CAMK2D: variants seen among roughly 807,000 people sequenced by gnomAD.
The protein encoded by CAMK2D is calcium/calmodulin dependent protein kinase II delta.
A neutral mutation model predicts 84.0 loss-of-function variants in CAMK2D; 37 were observed. That is an observed-to-expected ratio of 0.44 (90% CI 0.34 to 0.58). CAMK2D has a LOEUF of 0.58. CAMK2D is among the 20% of genes least tolerant of loss of function. The pLI is 0.02. For synonymous variants in CAMK2D, 202 were observed against 212.5 expected, an observed-to-expected ratio of 0.95 and a Z score of 0.43; for missense variants, 448 against 652.5, an observed-to-expected ratio of 0.69 and a Z score of 3.41.
intron 3 of CAMK2D, among the ~76,000 whole-genome samples, chr4:113,618,527 G>T (rs2099031183): frequency 6.6e-6 from 1 of 152,024 alleles, no homozygotes; most frequent in Non-Finnish European, 1.5e-5. Context: ...TTCCAAAGTT[G>T]ATATGTCCTA....
At chr4:113,562,277 T>A (rs1455435586) in intron 4 of CAMK2D, among the ~76,000 whole-genome samples, 3 of 152,148 alleles carry the variant, frequency 2.0e-5, no homozygotes, top group African/African-American at 7.2e-5. Context: ...AGAGCTCCAT[T>A]AAGAAACAGC....
At chr4:113,664,397 G>T (rs1220604729) in intron 2 of CAMK2D, among the ~76,000 whole-genome samples, 1 of 152,188 alleles carries the variant, frequency 6.6e-6, no homozygotes, top group Non-Finnish European at 1.5e-5. Flanking sequence ...TCTCTCACCA[G>T]GCTGCAATCA....
intron 4 of CAMK2D, among the ~76,000 whole-genome samples, chr4:113,567,981 A>G (rs2098733750): frequency 6.6e-6 from 1 of 152,220 alleles, no homozygotes; most frequent in Non-Finnish European, 1.5e-5. Context: ...GAAGTAATTA[A>G]CAATAGCTTG....
chr4:113,704,726 CAA>C (rs1422806341), intron 2 of CAMK2D, among the ~76,000 whole-genome samples: 1 of 151,918 alleles, frequency 6.6e-6, no homozygotes, highest in Non-Finnish European at 1.5e-5. Context: ...CGTGAATCCA[CAA>C]AAGTTTATTT....
intron 3 of CAMK2D, among the ~76,000 whole-genome samples, chr4:113,611,302 T>A (rs1388093277): frequency 6.6e-6 from 1 of 152,190 alleles, no homozygotes; most frequent in East Asian, 1.9e-4. Context: ...ACTGGCTTCT[T>A]GAATGACACA....
intron 6 of CAMK2D, among the ~76,000 whole-genome samples, chr4:113,540,929 G>A (rs2098525951): frequency 6.6e-6 from 1 of 152,064 alleles, no homozygotes; most frequent in South Asian, 2.1e-4. Context: ...CTTACACATA[G>A]GTTCCTTCCC....
intron 2 of CAMK2D, among the ~76,000 whole-genome samples, chr4:113,706,246 T>C (rs2099454703): frequency 6.6e-6 from 1 of 152,104 alleles, no homozygotes; most frequent in Non-Finnish European, 1.5e-5. Context: ...TGAATGAACA[T>C]GAACTTTTAA....
intron 2 of CAMK2D, among the ~76,000 whole-genome samples, chr4:113,732,810 T>C (rs1347982778): frequency 6.6e-6 from 1 of 152,100 alleles, no homozygotes; most frequent in Non-Finnish European, 1.5e-5. Context: ...TCATTTAGAG[T>C]TAATAGCTAT....
At chr4:113,664,360 A>T (rs1325506159) in intron 2 of CAMK2D, among the ~76,000 whole-genome samples, 1 of 152,238 alleles carries the variant, frequency 6.6e-6, no homozygotes, top group African/African-American at 2.4e-5. Context: ...ACCTGGGCAT[A>T]TCTTAACTGA....
chr4:113,570,223 T>C (rs1199116069), intron 4 of CAMK2D, among the ~76,000 whole-genome samples: 3 of 152,208 alleles, frequency 2.0e-5, no homozygotes, highest in African/African-American at 7.2e-5. Context: ...ACTGATTCTA[T>C]GCAATCCCTA....
chr4:113,732,308 A>G (rs1387458199), intron 2 of CAMK2D, among the ~76,000 whole-genome samples: 1 of 151,924 alleles, frequency 6.6e-6, no homozygotes, highest in Non-Finnish European at 1.5e-5. Context: ...TTTTTTGTAT[A>G]GACAGGGTCT....
chr4:113,753,040 A>G (rs2099620901), intron 2 of CAMK2D, among the ~76,000 whole-genome samples: 1 of 152,102 alleles, frequency 6.6e-6, no homozygotes, highest in Non-Finnish European at 1.5e-5. Context: ...AGCAATCAAC[A>G]GGAGGTGACA....
At chr4:113,623,539 C>T (rs1182073092) in intron 3 of CAMK2D, among the ~76,000 whole-genome samples, 2 of 152,086 alleles carry the variant, frequency 1.3e-5, no homozygotes, top group Admixed American at 6.6e-5. Context: ...CTACTACACA[C>T]CTAGCCTATA....
At chr4:113,723,443 C>T (rs1226293125) in intron 2 of CAMK2D, among the ~76,000 whole-genome samples, 1 of 151,996 alleles carries the variant, frequency 6.6e-6, no homozygotes, top group Non-Finnish European at 1.5e-5. Context: ...AGGCTGGCCT[C>T]GAACTCATGG....
At chr4:113,630,022 G>T (rs560908715) in intron 3 of CAMK2D, among the ~76,000 whole-genome samples, 1 of 152,018 alleles carries the variant, frequency 6.6e-6, no homozygotes. Context: ...AGGGAATTCA[G>T]ACATAAATGC....
chr4:113,677,530 C>T (rs985089649), intron 2 of CAMK2D: 21 of 970,454 alleles, frequency 2.2e-5, no homozygotes, highest in Non-Finnish European at 2.2e-5. Flanking sequence ...GGAACTTGCT[C>T]GTCTTACTTC....
chr4:113,612,942 C>A (rs565808166), intron 3 of CAMK2D, among the ~76,000 whole-genome samples: 1 of 152,228 alleles, frequency 6.6e-6, no homozygotes, highest in Admixed American at 6.5e-5. Flanking sequence ...GCTTTCTCTT[C>A]CTGTTCTGTG....
At chr4:113,716,952 A>G (rs1307776223) in intron 2 of CAMK2D, among the ~76,000 whole-genome samples, 1 of 152,192 alleles carries the variant, frequency 6.6e-6, no homozygotes, top group Non-Finnish European at 1.5e-5. Context: ...ATAGTGTTCC[A>G]AGCTCTTTGT....
At chr4:113,533,477 C>T (rs2098470915) in intron 7 of CAMK2D, among the ~76,000 whole-genome samples, 1 of 151,918 alleles carries the variant, frequency 6.6e-6, no homozygotes, top group Non-Finnish European at 1.5e-5. Flanking sequence ...GCATATGTTT[C>T]TTACTTTGAA....
Sources: allele counts gnomAD v4.1 joint callset (sites outside exome capture counted in the v4.1 genomes callset), GRCh38; gene constraint gnomAD v4.1.1; transcripts MANE v1.5; gene names NCBI Gene and HGNC (gene_info 2026-07-23, HGNC 2026-07-21).